Variants in RAD54L2 observed in about 807,000 individuals in gnomAD.
The protein encoded by RAD54L2 is helicase ARIP4.
A neutral mutation model predicts 138.4 loss-of-function variants in RAD54L2; 27 were observed. The ratio of observed to expected loss-of-function variants is 0.20; its 90% CI spans 0.14 to 0.27. The LOEUF (loss-of-function observed/expected upper bound fraction) is 0.27. Among genes scored for constraint, RAD54L2 ranks in the 10% least tolerant of loss-of-function variants. The probability of loss-of-function intolerance (pLI) is 1.00; values close to 1 mark genes in which losing one functional copy is unlikely to be tolerated. For synonymous variants in RAD54L2, 644 were observed against 723.2 expected, an observed-to-expected ratio of 0.89 and a Z score of 1.76; for missense variants, 1,396 against 1,890.2, an observed-to-expected ratio of 0.74 and a Z score of 4.85.
intron 2 of RAD54L2, among the ~76,000 whole-genome samples, chr3:51,582,851 T>C (rs60144012): frequency 0.042 from 6,441 of 151,578 alleles, 457 homozygotes; most frequent in African/African-American, 0.14. Flanking sequence ...CTGCAAGCTC[T>C]GCTTCCCGGG....
chr3:51,586,706 T>A (rs1007086270), intron 2 of RAD54L2, among the ~76,000 whole-genome samples: 10 of 151,626 alleles, frequency 6.6e-5, no homozygotes, highest in African/African-American at 2.4e-4. Context: ...GTAGCTGGGA[T>A]TATAGGCATG....
chr3:51,660,172 G>A lies in RAD54L2; in HGVS notation c.3409+54G>A, dbSNP rs1219982430. On this transcript the variant is annotated intron_variant, in intron 22 of 22. Coordinates refer to ENST00000684192, the MANE Select transcript of RAD54L2 (RefSeq NM_015106.4). ...TTTTCAAACAACATTTGTTTGCTTT[G>A]TTTTGGTTAGGTATTAACTTATTAT... The A allele has an allele frequency of 4.2e-6, 6 of 1,444,068 alleles. No homozygotes were observed. The South Asian group carries it at 6.1e-5, about 15-fold the overall frequency. The allele number at this position is 1,444,068 out of a possible 1,614,324, so 89.5% of individuals were successfully genotyped here.
In RAD54L2 at chr3:51,629,486, C is replaced by T; in HGVS notation, c.481+13C>T. On this transcript the variant is annotated intron_variant, in intron 5 of 22. Transcript: ENST00000684192. ...GAGTTCCTCCCTGGTAAGCAGTGGA[C>T]ATGGCAGGGAAGGCCCTTTGCTTCA... is the stretch of plus-strand genomic sequence containing the variant. 1.2e-6 allele frequency: 2 copies of T among 1,611,174 alleles called. No individual in the cohort carries two copies. The highest frequency in any genetic ancestry group is 1.7e-6 in the Non-Finnish European group (2 of 1,178,870).
chr3:51,628,751 T>G (rs755944119), intron 4 of RAD54L2, among the ~76,000 whole-genome samples: 8 of 152,074 alleles, frequency 5.3e-5, no homozygotes, highest in Non-Finnish European at 1.2e-4. Flanking sequence ...AGCCTCACTC[T>G]GTCACCCAGG....
At chr3:51,616,197 T>G (rs1024982359) in intron 3 of RAD54L2, among the ~76,000 whole-genome samples, 1 of 152,190 alleles carries the variant, frequency 6.6e-6, no homozygotes, top group African/African-American at 2.4e-5. Flanking sequence ...GTCATCCTAC[T>G]GATCTATCAA....
At chr3:51,632,662 G>A (rs1489395296) in intron 7 of RAD54L2, among the ~76,000 whole-genome samples, 1 of 150,720 alleles carries the variant, frequency 6.6e-6, no homozygotes, top group African/African-American at 2.4e-5. Context: ...GGGAGGCCGA[G>A]GTGGGTGGAT....
At chr3:51,611,415 A>G (rs1700326492) in intron 3 of RAD54L2, 1 of 152,184 alleles carries the variant, frequency 6.6e-6, no homozygotes, top group Non-Finnish European at 1.5e-5. Flanking sequence ...GTTGCAAACA[A>G]TCCAACTATA....
intron 2 of RAD54L2, among the ~76,000 whole-genome samples, chr3:51,572,723 C>A (rs931058504): frequency 2.7e-5 from 4 of 150,382 alleles, no homozygotes; most frequent in African/African-American, 9.8e-5. Flanking sequence ...ACTGCAACCT[C>A]CGCCTCCCGG....
intron 2 of RAD54L2, among the ~76,000 whole-genome samples, chr3:51,559,090 G>C (rs1315322014): frequency 6.6e-6 from 1 of 151,950 alleles, no homozygotes; most frequent in African/African-American, 2.4e-5. Flanking sequence ...GCCCAGGCTG[G>C]TCTCAAACTC....
intron 3 of RAD54L2, among the ~76,000 whole-genome samples, chr3:51,625,679 C>G (rs554541251): frequency 6.6e-6 from 1 of 151,506 alleles, no homozygotes; most frequent in Non-Finnish European, 1.5e-5. Context: ...GCCAACATAT[C>G]GAGACCTTGT....
chr3:51,553,278 A>G (rs572929265), intron 2 of RAD54L2, among the ~76,000 whole-genome samples: 3 of 152,184 alleles, frequency 2.0e-5, no homozygotes, highest in Non-Finnish European at 4.4e-5. Flanking sequence ...GAGTTTCACC[A>G]TGCTGGCCAG....
chr3:51,612,694 A>T (rs1042290622), intron 3 of RAD54L2, among the ~76,000 whole-genome samples: 11 of 108,700 alleles, frequency 1.0e-4, no homozygotes, highest in African/African-American at 5.8e-4. Flanking sequence ...TTTGTTGTAA[A>T]AAAAAAAAAA....
At chr3:51,651,006 T>C (rs185688932) in intron 19 of RAD54L2, among the ~76,000 whole-genome samples, 8 of 152,176 alleles carry the variant, frequency 5.3e-5, no homozygotes, top group East Asian at 1.9e-4. Flanking sequence ...AGCTGGTTTT[T>C]TGAAAAGAGC....
chr3:51,641,939 T>G, intron 15 of RAD54L2, 72 bp downstream of exon 15: 1 of 1,050,210 alleles, frequency 9.5e-7, no homozygotes, highest in Non-Finnish European at 1.4e-6. Flanking sequence ...CTTCTCTCTC[T>G]TTCTCTTTCT....
Position 51,630,905 on chromosome 3 carries a change from T to C in RAD54L2, c.799T>C (p.Leu267=), listed in dbSNP as rs1390981292. 2 of 1,613,488 alleles carry C rather than the reference T, an allele frequency of 1.2e-6. No individual in the cohort carries two copies. The highest frequency in any genetic ancestry group is 1.7e-6 in the Non-Finnish European group (2 of 1,179,654). ...GGAAAATGTCTTCCTTGCCCCACAG[T>C]TGGCACGGGCTGTGAAACCTCATCA... ...EEENVFLAPQ[L]ARAVKPHQIG... Residue 267 remains leucine, a synonymous_variant, in exon 7 of 23, where the codon TTG becomes CTG. Transcript: ENST00000684192.
chr3:51,556,679 C>T (rs1251823022), intron 2 of RAD54L2, among the ~76,000 whole-genome samples: 4 of 152,096 alleles, frequency 2.6e-5, no homozygotes, highest in African/African-American at 2.4e-5. Context: ...CGGGTTCAAG[C>T]GATTCTTCTG....
chr3:51,643,118 C>G (rs1237793134), intron 15 of RAD54L2, among the ~76,000 whole-genome samples: 2 of 150,774 alleles, frequency 1.3e-5, no homozygotes, highest in East Asian at 3.9e-4. Flanking sequence ...GAACTGCAGC[C>G]TCCGTCTCCC....
At chr3:51,545,625 G>T (rs937280429) in intron 2 of RAD54L2, among the ~76,000 whole-genome samples, 1 of 151,760 alleles carries the variant, frequency 6.6e-6, no homozygotes, top group Admixed American at 6.6e-5. Flanking sequence ...ACCCATGCTA[G>T]AGTAAGTACA....
intron 2 of RAD54L2, among the ~76,000 whole-genome samples, chr3:51,557,697 G>A (rs1290793914): frequency 2.0e-5 from 3 of 151,638 alleles, no homozygotes; most frequent in Admixed American, 2.0e-4. Flanking sequence ...AGGCATGGTG[G>A]CGGGCGCCTG....
Sources: gnomAD v4.1 joint callset for allele counts (sites outside exome capture counted in the v4.1 genomes callset) on GRCh38, gnomAD v4.1.1 for gene constraint, MANE v1.5 for transcripts, NCBI Gene and HGNC (gene_info 2026-07-23, HGNC 2026-07-21) for gene names.